RCL1: variants seen among roughly 807,000 people sequenced by gnomAD.
The protein encoded by RCL1 is RNA terminal phosphate cyclase like 1.
In RCL1, 24 loss-of-function variants were observed where a neutral mutation model predicts 42.4. That is an observed-to-expected ratio of 0.57 (90% confidence interval 0.41 to 0.80). The LOEUF is 0.80. Ranked by LOEUF, RCL1 falls within the 30% of genes least tolerant of loss-of-function variation. The probability of loss-of-function intolerance (pLI) is 0.00; values close to 1 mark genes in which losing one functional copy is unlikely to be tolerated. For missense variants in RCL1, 578 were observed against 467.9 expected (o/e 1.24, Z -2.17); for synonymous variants, 228 against 177.3 (o/e 1.29, Z -2.27).
intron 1 of RCL1, among the ~76,000 whole-genome samples, chr9:4,796,111 G>A (rs1348385249): frequency 6.6e-6 from 1 of 152,088 alleles, no homozygotes; most frequent in Non-Finnish European, 1.5e-5. Flanking sequence ...TTTTAGAGTC[G>A]GGGGTACATG....
At chr9:4,844,727 T>A in intron 7 of RCL1, 46 bp downstream of exon 7, 1 of 1,571,130 alleles carries the variant, frequency 6.4e-7, no homozygotes, top group Non-Finnish European at 8.7e-7. Flanking sequence ...AGGAAGCAGT[T>A]TGTTTTCTCA....
chr9:4,821,745 G>T (rs1816604390), intron 1 of RCL1, among the ~76,000 whole-genome samples: 1 of 152,148 alleles, frequency 6.6e-6, no homozygotes, highest in Admixed American at 6.5e-5. Context: ...CTCCTGAGTG[G>T]CTGGGACTAC....
At chr9:4,833,085 T>A in intron 3 of RCL1, 69 bp from the exon 4 acceptor site, 1 of 1,080,510 alleles carries the variant, frequency 9.3e-7, no homozygotes, top group Non-Finnish European at 1.4e-6. Flanking sequence ...AAGCCTTACT[T>A]GTTTTTTTTG....
At chr9:4,820,855 A>T (rs1205610091) in intron 1 of RCL1, among the ~76,000 whole-genome samples, 5 of 152,230 alleles carry the variant, frequency 3.3e-5, no homozygotes, top group African/African-American at 1.2e-4. Context: ...AACTCCTGTG[A>T]TGCTACTTAC....
intron 5 of RCL1, 51 bp from the exon 6 acceptor site, chr9:4,841,181 T>C (rs1235337050): frequency 6.2e-7 from 1 of 1,609,434 alleles, no homozygotes; most frequent in Non-Finnish European, 8.5e-7. Flanking sequence ...TAACTGATTT[T>C]TCTCTGTCCT....
intron 8 of RCL1, among the ~76,000 whole-genome samples, chr9:4,851,737 TA>T (rs33921110): frequency 1.0e-4 from 15 of 148,756 alleles, no homozygotes; most frequent in African/African-American, 1.7e-4. Flanking sequence ...TTCCTTGGTT[TA>T]AAAAAAAAAA....
chr9:4,817,731 A>C (rs1031754583), intron 1 of RCL1, among the ~76,000 whole-genome samples: 1 of 151,832 alleles, frequency 6.6e-6, no homozygotes, highest in South Asian at 2.1e-4. Context: ...ACCTGGGCTC[A>C]AGTAATTTGC....
At chr9:4,860,090 C>G in intron 8 of RCL1, 35 bp from the exon 9 acceptor site, 6 of 1,411,490 alleles carry the variant, frequency 4.3e-6, no homozygotes, top group Non-Finnish European at 5.7e-6. Flanking sequence ...GAATGAATTT[C>G]TTTTTATTTA....
At chr9:4,835,098 A>G (rs1188555851) in intron 5 of RCL1, among the ~76,000 whole-genome samples, 2 of 152,188 alleles carry the variant, frequency 1.3e-5, no homozygotes, top group Admixed American at 1.3e-4. Context: ...AGGGAGTGGC[A>G]AGTAATGAAG....
intron 1 of RCL1, among the ~76,000 whole-genome samples, chr9:4,803,567 G>T (rs1843042003): frequency 6.6e-6 from 1 of 152,084 alleles, no homozygotes; most frequent in Non-Finnish European, 1.5e-5. Flanking sequence ...AGTGATAGTA[G>T]ATCCAATCAC....
At chr9:4,812,417 C>T (rs936402669) in intron 1 of RCL1, among the ~76,000 whole-genome samples, 6 of 151,674 alleles carry the variant, frequency 4.0e-5, no homozygotes, top group African/African-American at 1.2e-4. Context: ...TTTCCCAGGA[C>T]CATTATGTAT....
Position 4,817,603 on chromosome 9 carries a change from A to C in RCL1, c.137-5945A>C, listed in dbSNP as rs116546332. ...ATCCTCCTGCCTCAGCTCTACCTCA[A>C]CCCTGCCCCCCTGAGTAGCTGGGAC... is the stretch of plus-strand genomic sequence containing the variant. On this transcript the variant is annotated intron_variant, in intron 1 of 8. Coordinates refer to ENST00000381750, the MANE Select transcript of RCL1 (RefSeq NM_005772.5). 4.2e-3 allele frequency among the ~76,000 whole-genome samples: 635 copies of C among 150,962 alleles called. 3 individuals carry two copies. The highest frequency in any genetic ancestry group is 0.014 in the African/African-American group (561 of 41,094).
At chr9:4,847,384 A>G (rs567844327) in intron 7 of RCL1, among the ~76,000 whole-genome samples, 1 of 152,312 alleles carries the variant, frequency 6.6e-6, no homozygotes, top group Admixed American at 6.5e-5. Flanking sequence ...TAAAAAATCC[A>G]TCCCTTTTGA....
At chr9:4,854,250 T>C (rs1183887473) in intron 8 of RCL1, among the ~76,000 whole-genome samples, 1 of 152,198 alleles carries the variant, frequency 6.6e-6, no homozygotes, top group Non-Finnish European at 1.5e-5. Context: ...TGTTTCCTGC[T>C]GCCTCAGTAA....
At chr9:4,801,277 A>G (rs1365227346) in intron 1 of RCL1, among the ~76,000 whole-genome samples, 2 of 152,086 alleles carry the variant, frequency 1.3e-5, no homozygotes, top group South Asian at 4.2e-4. Flanking sequence ...GCGTAAGCAA[A>G]TCTTTCATCT....
intron 5 of RCL1, among the ~76,000 whole-genome samples, chr9:4,835,828 G>A (rs1282790730): frequency 1.3e-5 from 2 of 152,192 alleles, no homozygotes; most frequent in Admixed American, 6.5e-5. Flanking sequence ...AAATGAGATC[G>A]TAGTTGCACA....
intron 1 of RCL1, among the ~76,000 whole-genome samples, chr9:4,813,099 C>G (rs1161963474): frequency 1.3e-5 from 2 of 152,140 alleles, no homozygotes; most frequent in African/African-American, 4.8e-5. Context: ...GATAGGACTT[C>G]CAGTACTATG....
intron 1 of RCL1, among the ~76,000 whole-genome samples, chr9:4,801,039 T>G (rs919909093): frequency 1.3e-5 from 2 of 152,246 alleles, no homozygotes; most frequent in African/African-American, 2.4e-5. Flanking sequence ...TTGTCACTAC[T>G]TTTATTCTGA....
chr9:4,833,997 G>C, intron 4 of RCL1, 144 bp from the exon 5 acceptor site: 1 of 863,754 alleles, frequency 1.2e-6, no homozygotes, highest in Middle Eastern at 3.9e-4. Context: ...GGTGCTGTTG[G>C]TCTTGAAGGG....
Sources: allele counts gnomAD v4.1 joint callset (sites outside exome capture counted in the v4.1 genomes callset), GRCh38; gene constraint gnomAD v4.1.1; transcripts MANE v1.5; gene names NCBI Gene and HGNC (gene_info 2026-07-23, HGNC 2026-07-21).